Variants in NELL2 observed in about 807,000 individuals in gnomAD.
The protein encoded by NELL2 is neural EGFL like 2.
In NELL2, 41 loss-of-function variants were observed where a neutral mutation model predicts 109.6. The ratio of observed to expected loss-of-function variants is 0.37; its 90% CI spans 0.29 to 0.49. The LOEUF is 0.49. NELL2 is among the 20% of genes least tolerant of loss of function. NELL2 has a pLI of 0.98. For synonymous variants in NELL2, 355 were observed against 344.7 expected, an observed-to-expected ratio of 1.03 and a Z score of -0.33; for missense variants, 900 against 1,008.3, an observed-to-expected ratio of 0.89 and a Z score of 1.45.
chr12:44,826,966 T>C (rs2136710816), intron 2 of NELL2, among the ~76,000 whole-genome samples: 1 of 152,326 alleles, frequency 6.6e-6, no homozygotes, highest in African/African-American at 2.4e-5. Context: ...GTTTCAAATA[T>C]AGAAAATTAT....
At chr12:44,783,127 A>G in intron 3 of NELL2, among the ~76,000 whole-genome samples, 1 of 152,018 alleles carries the variant, frequency 6.6e-6, no homozygotes, top group African/African-American at 2.4e-5. Context: ...ATATATTTCT[A>G]AATAATCCAC....
At chr12:44,563,324 T>TA (rs569906839) in intron 15 of NELL2, among the ~76,000 whole-genome samples, 27 of 151,080 alleles carry the variant, frequency 1.8e-4, no homozygotes, top group South Asian at 1.0e-3. Flanking sequence ...AAAAAAAAAT[T>TA]AAAAAAAAAG....
chr12:44,780,675 C>T (rs1422229101), intron 3 of NELL2, among the ~76,000 whole-genome samples: 4 of 151,932 alleles, frequency 2.6e-5, no homozygotes, highest in East Asian at 1.9e-4. Context: ...TCCCTTTCCC[C>T]GCTGGGATAG....
At chr12:44,833,678 C>T (rs370815404) in intron 2 of NELL2, among the ~76,000 whole-genome samples, 4 of 152,288 alleles carry the variant, frequency 2.6e-5, no homozygotes, top group South Asian at 2.1e-4. Flanking sequence ...ATAAGTTACT[C>T]CCCTTCCCTC....
rs573949050 is a variant in NELL2, at chr12:44,819,492, C to T, written c.185-3356G>A. ...ATTAGTGTTTGCACTACTTGTCAGG[C>T]ATGTTGATGAGGGAAGGTCCAAGGG... On this transcript the variant is annotated intron_variant, in intron 2 of 19. Coordinates refer to ENST00000429094, the MANE Select transcript of NELL2 (RefSeq NM_001145108.2). Among the ~76,000 whole-genome samples the T allele has an allele frequency of 2.0e-5, 3 of 152,274 alleles. No homozygotes were observed. In the East Asian group the frequency reaches 5.8e-4, roughly 29 times the overall value.
At chr12:44,741,239 T>C (rs1939941320) in intron 9 of NELL2, among the ~76,000 whole-genome samples, 1 of 152,224 alleles carries the variant, frequency 6.6e-6, no homozygotes, top group Admixed American at 6.5e-5. Flanking sequence ...CATTTTCTTT[T>C]CTTTAGATTA....
rs539673957 is a variant in NELL2, at chr12:44,515,618, T to G, written c.2400+4387A>C. On this transcript the variant is annotated intron_variant, in intron 19 of 19. Coordinates refer to ENST00000429094, the MANE Select transcript of NELL2 (RefSeq NM_001145108.2). Reference sequence around the variant, plus strand: ...TACTTAACTGTGAATTTCACTATAATAAATATTAACTTGATAAAAATGAAA... The same window carrying G: ...TACTTAACTGTGAATTTCACTATAAGAAATATTAACTTGATAAAAATGAAA... 1.1e-4 allele frequency among the ~76,000 whole-genome samples: 17 copies of G among 152,070 alleles called. No individual in the cohort carries two copies. The East Asian group carries it at 3.3e-3, about 29-fold the overall frequency.
intron 2 of NELL2, among the ~76,000 whole-genome samples, chr12:44,833,986 T>G (rs1943969086): frequency 6.6e-6 from 1 of 152,236 alleles, no homozygotes; most frequent in African/African-American, 2.4e-5. Flanking sequence ...TACGTATTTC[T>G]TCCCCTTTGG....
At chr12:44,866,503 C>T (rs979481476) in intron 2 of NELL2, among the ~76,000 whole-genome samples, 2 of 151,968 alleles carry the variant, frequency 1.3e-5, no homozygotes, top group East Asian at 3.9e-4. Flanking sequence ...AAGTTTATAG[C>T]AACAAATGCC....
At chr12:44,614,599 G>A (rs1945751504) in intron 13 of NELL2, among the ~76,000 whole-genome samples, 3 of 152,058 alleles carry the variant, frequency 2.0e-5, no homozygotes, top group African/African-American at 7.2e-5. Flanking sequence ...CAGATGTTAT[G>A]TATAACAATA....
In NELL2 at chr12:44,812,250, C is replaced by T. The variant is rs114294154; in HGVS notation, c.335+3736G>A. Among the ~76,000 whole-genome samples, 227 of 152,160 alleles carry T rather than the reference C, an allele frequency of 1.5e-3. 1 individual carries two copies. The highest frequency in any genetic ancestry group is 5.1e-3 in the African/African-American group (212 of 41,508). On this transcript the variant is annotated intron_variant, in intron 3 of 19. Coordinates refer to ENST00000429094, the MANE Select transcript of NELL2 (RefSeq NM_001145108.2). ...TGTATATGACTGTCTTGCATATTAC[C>T]AAGAAAGTGTCTCCAAAGGGGGCAG... is the stretch of plus-strand genomic sequence containing the variant.
At chr12:44,678,882 G>C (rs1187101673) in intron 12 of NELL2, among the ~76,000 whole-genome samples, 1 of 152,084 alleles carries the variant, frequency 6.6e-6, no homozygotes, top group Non-Finnish European at 1.5e-5. Flanking sequence ...AGTCTAGATT[G>C]AAGTGGGTTA....
intron 13 of NELL2, among the ~76,000 whole-genome samples, chr12:44,663,318 TA>T (rs569674688): frequency 6.6e-6 from 1 of 151,998 alleles, no homozygotes; most frequent in Non-Finnish European, 1.5e-5. Context: ...ACATATTCTC[TA>T]AAAAAAATCC....
At position 44,752,288 on chromosome 12, in the gene NELL2, T is replaced by A. The variant is rs528634887; in HGVS notation, c.994+22459A>T. ...ACCTCACACCTAGTTATTTTCATAT[T>A]CAAAAAGCTCTTTCACATACATTAT... On this transcript the variant is annotated intron_variant, in intron 9 of 19. Transcript: ENST00000429094. 2.6e-5 allele frequency among the ~76,000 whole-genome samples: 4 copies of A among 152,340 alleles called. No individual in the cohort carries two copies. In the East Asian group the frequency reaches 7.7e-4, roughly 29 times the overall value.
At chr12:44,688,739 C>T (rs1018695206) in intron 12 of NELL2, among the ~76,000 whole-genome samples, 1 of 152,164 alleles carries the variant, frequency 6.6e-6, no homozygotes, top group East Asian at 1.9e-4. Context: ...CCAAATTTGG[C>T]ATTTTTAAAA....
At chr12:44,716,528 G>A (rs977873854) in intron 9 of NELL2, among the ~76,000 whole-genome samples, 76 of 152,174 alleles carry the variant, frequency 5.0e-4, no homozygotes, top group Non-Finnish European at 9.4e-4. Context: ...ATGATTGATT[G>A]CAAAATTTAC....
chr12:44,856,593 G>C (rs1468895245), intron 2 of NELL2, among the ~76,000 whole-genome samples: 2 of 152,150 alleles, frequency 1.3e-5, no homozygotes, highest in Admixed American at 6.5e-5. Flanking sequence ...TCCAGGGCAC[G>C]GTGGACAGCC....
chr12:44,745,130 G>A (rs1487368241), intron 9 of NELL2, among the ~76,000 whole-genome samples: 1 of 152,186 alleles, frequency 6.6e-6, no homozygotes, highest in Non-Finnish European at 1.5e-5. Context: ...TCATCCCTGG[G>A]ATGCAAGGCT....
At chr12:44,647,332 TC>T (rs1947131333) in intron 13 of NELL2, among the ~76,000 whole-genome samples, 1 of 152,186 alleles carries the variant, frequency 6.6e-6, no homozygotes, top group Non-Finnish European at 1.5e-5. Context: ...AAATGTTTTT[TC>T]CTCTCCCTAT....
Sources: gnomAD v4.1 joint callset for allele counts (sites outside exome capture counted in the v4.1 genomes callset) on GRCh38, gnomAD v4.1.1 for gene constraint, MANE v1.5 for transcripts, NCBI Gene and HGNC (gene_info 2026-07-23, HGNC 2026-07-21) for gene names.